MRPS18B: variants seen among roughly 807,000 people sequenced by gnomAD.
MRPS18B encodes the protein small ribosomal subunit protein mS40.
A neutral mutation model predicts 28.4 loss-of-function variants in MRPS18B; 27 were observed. The ratio of observed to expected loss-of-function variants is 0.95; its 90% CI spans 0.70 to 1.31. The LOEUF (loss-of-function observed/expected upper bound fraction) is 1.31. Among genes scored for constraint, MRPS18B ranks in the 40% most tolerant of loss-of-function variants. The pLI is 0.00. For missense variants in MRPS18B, 343 were observed against 335.9 expected, an observed-to-expected ratio of 1.02 and a Z score of -0.17; for synonymous variants, 118 against 123.7, an observed-to-expected ratio of 0.95 and a Z score of 0.30.
At position 30,619,615 on chromosome 6, in the gene MRPS18B, G is replaced by A. The variant is rs758400481; in HGVS notation, c.187+14G>A. 2.2e-5 allele frequency: 35 copies of A among 1,610,390 alleles called. No individual in the cohort carries two copies. Among genetic ancestry groups the A allele is most frequent in the Non-Finnish European group, 2.8e-5 (33 of 1,177,690 alleles). ...TGGAATCAGAAGGTACCTCTAAAGG[G>A]GGAAAGGGAGGGTCAGATAGGATTT... On this transcript the variant is annotated intron_variant, in intron 2 of 6. Transcript: ENST00000259873.
Position 30,619,763 on chromosome 6 carries a change from A to G in MRPS18B, c.242A>G (p.His81Arg), listed in dbSNP as rs771215376. 5.6e-6 allele frequency: 9 copies of G among 1,614,120 alleles called. No homozygotes were observed. The Admixed American group carries it at 1.3e-4, about 24-fold the overall frequency. The change falls in exon 3 of 7, where the codon CAC becomes CGC. Residue 81 changes from histidine (H) to arginine (R), a missense_variant. By Grantham distance (29) the His-to-Arg change is conservative (BLOSUM62 0). Coordinates refer to ENST00000259873, the MANE Select transcript of MRPS18B (RefSeq NM_014046.4). ...RPVWADYRRNHKGGVPPQRTR... is the reference protein window; with the variant it reads ...RPVWADYRRNRKGGVPPQRTR... ...GTCTGGGCTGACTACCGCCGCAACCACAAGGGTGGTGTACCCCCACAGCGG... is the reference window on the plus strand; with the variant it reads ...GTCTGGGCTGACTACCGCCGCAACCGCAAGGGTGGTGTACCCCCACAGCGG...
Position 30,625,594 on chromosome 6 carries a change from A to C in MRPS18B, c.574A>C (p.Thr192Pro). The C allele has an allele frequency of 6.2e-7, 1 of 1,612,168 alleles. No individual in the cohort carries two copies. Among genetic ancestry groups the C allele is most frequent in the Non-Finnish European group, 8.5e-7 (1 of 1,179,334 alleles). Residue 192 changes from threonine (T) to proline (P), a missense_variant, in exon 7 of 7, where the codon ACC becomes CCC. By Grantham distance (38) the Thr-to-Pro change is conservative. Coordinates refer to ENST00000259873, the MANE Select transcript of MRPS18B (RefSeq NM_014046.4). ...GAVSATPPAP[T>P]LVSGDPWYPW... ...TGTGAGTGCTACTCCGCCAGCCCCC[A>C]CCCTGGTCTCAGGTGACCCCTGGTA...
Position 30,619,620 on chromosome 6 carries a change from A to T in MRPS18B, c.187+19A>T, listed in dbSNP as rs376008974. 1 of 1,610,226 alleles carries T rather than the reference A, an allele frequency of 6.2e-7. No homozygotes were observed. Among genetic ancestry groups the T allele is most frequent in the African/African-American group, 1.3e-5 (1 of 74,850 alleles). ...TCAGAAGGTACCTCTAAAGGGGGAA[A>T]GGGAGGGTCAGATAGGATTTGAGAT... On this transcript the variant is annotated intron_variant, in intron 2 of 6. Transcript: ENST00000259873.
intron 5 of MRPS18B, 39 bp from the exon 6 acceptor site, chr6:30,624,844 T>C: frequency 6.2e-7 from 1 of 1,607,630 alleles, no homozygotes; most frequent in Non-Finnish European, 8.5e-7. Context: ...TTCTATTATT[T>C]ACTGTGCCTT....
chr6:30,622,561 C>CAAAA (rs554297101), intron 4 of MRPS18B, among the ~76,000 whole-genome samples: 7 of 28,546 alleles, frequency 2.5e-4, no homozygotes, highest in East Asian at 1.1e-3. Flanking sequence ...GACTCTGTCT[C>CAAAA]AAAAAAAAAA....
intron 5 of MRPS18B, among the ~76,000 whole-genome samples, chr6:30,624,135 A>G (rs1761339509): frequency 6.9e-6 from 1 of 145,232 alleles, no homozygotes; most frequent in Non-Finnish European, 1.5e-5. Context: ...TCTGTCACCC[A>G]AGGCTGGAGT....
At chr6:30,621,293 T>C (rs980898639) in intron 4 of MRPS18B, among the ~76,000 whole-genome samples, 1 of 152,110 alleles carries the variant, frequency 6.6e-6, no homozygotes, top group Non-Finnish European at 1.5e-5. Flanking sequence ...TCCCAGCTAC[T>C]TGGGAGGCTG....
intron 6 of MRPS18B, 89 bp downstream of exon 6, chr6:30,625,031 G>A (rs1761414534): frequency 5.8e-6 from 8 of 1,388,536 alleles, no homozygotes; most frequent in Non-Finnish European, 6.1e-6. Flanking sequence ...GCTCACACCT[G>A]TTCAAGATGG....
rs781157477 is a variant in MRPS18B at position 30,622,878 on chromosome 6, T to C, written c.401T>C (p.Ile134Thr). ...EQFVCAHTGI[I>T]FYAPYTGVCV... ...TTTGTCTGCGCCCACACGGGTATCA[T>C]CTTCTATGCTCCATACACAGGTTAG... The change falls in exon 5 of 7, where the codon ATC (isoleucine) becomes ACC (threonine). Residue 134 changes from isoleucine to threonine, a missense_variant. Coordinates refer to ENST00000259873, the MANE Select transcript of MRPS18B (RefSeq NM_014046.4). 6.2e-7 allele frequency: 1 copy of C among 1,613,030 alleles called. No individual in the cohort carries two copies. The highest frequency in any genetic ancestry group is 1.1e-5 in the South Asian group (1 of 91,090).
chr6:30,626,066 T>A lies in MRPS18B; in HGVS notation c.*269T>A. ...GTGAGTTGCAGTCACACCCCTGCAC[T>A]CCAGCCTGGGTGACAGCTAGACCCT... On this transcript the variant is annotated 3_prime_UTR_variant, in exon 7 of 7. Transcript: ENST00000259873. 2.6e-6 allele frequency: 1 copy of A among 385,114 alleles called. No homozygotes were observed. Among genetic ancestry groups the A allele is most frequent in the Non-Finnish European group, 4.6e-6 (1 of 217,304 alleles). 23.9% of individuals were successfully genotyped at this position (385,114 alleles called of 1,614,324 possible). A position where few individuals can be genotyped will look rare whatever the true frequency, so the allele number is the denominator to read the frequency against.
At chr6:30,619,831 G>A in intron 3 of MRPS18B, 25 bp downstream of exon 3, 1 of 1,611,514 alleles carries the variant, frequency 6.2e-7, no homozygotes, top group Non-Finnish European at 8.5e-7. Context: ...GTGGGATGTG[G>A]AGTGCGGGGA....
intron 5 of MRPS18B, among the ~76,000 whole-genome samples, chr6:30,623,831 A>G (rs1275098132): frequency 6.6e-6 from 1 of 151,564 alleles, no homozygotes; most frequent in Non-Finnish European, 1.5e-5. Context: ...GCTGGAGTGC[A>G]ATGGTGCAAT....
chr6:30,620,302 G>A (rs1761069652), intron 4 of MRPS18B, among the ~76,000 whole-genome samples: 1 of 151,498 alleles, frequency 6.6e-6, no homozygotes, highest in African/African-American at 2.4e-5. Flanking sequence ...GGGCGACAGA[G>A]TGAGACTCCG....
intron 1 of MRPS18B, 105 bp downstream of exon 1, chr6:30,618,048 T>A: frequency 8.3e-7 from 1 of 1,210,956 alleles, no homozygotes; most frequent in Non-Finnish European, 1.2e-6. Context: ...CCCACGTGTG[T>A]CTTAGCTGTC....
At position 30,625,528 on chromosome 6, in the gene MRPS18B, G is replaced by T; in HGVS notation, c.508G>T (p.Val170Phe). Residue 170 changes from valine (V) to phenylalanine (F), a missense_variant, in exon 7 of 7, where the codon GTT becomes TTT. Coordinates refer to ENST00000259873, the MANE Select transcript of MRPS18B (RefSeq NM_014046.4). ...TCTCCTCATTTACCACATCCCCCAG[G>T]TTGAACCACGGGACCTTGACTTCAG... ...HGLLIYHIPQ[V>F]EPRDLDFSTS... is the part of the protein sequence containing the mutation. The T allele has an allele frequency of 6.4e-7, 1 of 1,574,754 alleles. No individual in the cohort carries two copies. Among genetic ancestry groups the T allele is most frequent in the Middle Eastern group, 1.7e-4 (1 of 5,878 alleles).
Position 30,626,096 on chromosome 6 carries a change from CAA to C in MRPS18B, c.*313_*314del, listed in dbSNP as rs35997671. The C allele has an allele frequency of 0.021, 4,295 of 201,348 alleles. No homozygotes were observed. Among genetic ancestry groups the C allele is most frequent in the Middle Eastern group, 0.04 (27 of 676 alleles). 12.5% of individuals were successfully genotyped at this position (201,348 alleles called of 1,614,324 possible). On this transcript the variant is annotated 3_prime_UTR_variant, in exon 7 of 7. Transcript: ENST00000259873. ...CCTGGGTGACAGCTAGACCCTGTCT[CAA>C]AAAAAAAAAAAAAGACTGGGAAGAG...
chr6:30,620,007 T>A lies in MRPS18B; in HGVS notation c.354+18T>A, dbSNP rs750489385. On this transcript the variant is annotated intron_variant, in intron 4 of 6. Coordinates refer to ENST00000259873, the MANE Select transcript of MRPS18B (RefSeq NM_014046.4). The stretch of plus-strand genomic sequence containing the variant: ...ACTTTAGGGTAAGGAGAGTCTTTTC[T>A]TTTTAGGGTAAGAAAAATAAAGATT... The A allele has an allele frequency of 6.2e-7, 1 of 1,611,274 alleles. No individual in the cohort carries two copies. The highest frequency in any genetic ancestry group is 1.1e-5 in the South Asian group (1 of 91,030).
At chr6:30,620,103 G>A in intron 4 of MRPS18B, 114 bp downstream of exon 4, 6 of 951,056 alleles carry the variant, frequency 6.3e-6, no homozygotes, top group Non-Finnish European at 1.0e-5. Flanking sequence ...GGATCATGAG[G>A]TCAGGAGATC....
Position 30,625,835 on chromosome 6 carries a change from T to G in MRPS18B, c.*38T>G, listed in dbSNP as rs1181279985. 6.4e-7 allele frequency: 1 copy of G among 1,568,736 alleles called. No individual in the cohort carries two copies. The highest frequency in any genetic ancestry group is 2.3e-5 in the East Asian group (1 of 44,218). Reference sequence around the variant, plus strand: ...GGGAAGAGAGGCCAGGCGTGGTGGCTCACTCCTGTAATCCCAGCACTTTGG... The same window carrying G: ...GGGAAGAGAGGCCAGGCGTGGTGGCGCACTCCTGTAATCCCAGCACTTTGG... On this transcript the variant is annotated 3_prime_UTR_variant, in exon 7 of 7. Coordinates refer to ENST00000259873, the MANE Select transcript of MRPS18B (RefSeq NM_014046.4).
Sources: allele counts gnomAD v4.1 joint callset (sites outside exome capture counted in the v4.1 genomes callset), GRCh38; gene constraint gnomAD v4.1.1; transcripts MANE v1.5; gene names NCBI Gene and HGNC (gene_info 2026-07-23, HGNC 2026-07-21).